The following ZNF777 variants were observed in gnomAD, a reference collection of about 807,000 sequenced individuals.
The protein encoded by ZNF777 is zinc finger protein 777.
A neutral mutation model predicts 72.1 loss-of-function variants in ZNF777; 7 were observed. That is an observed-to-expected ratio of 0.10 (90% confidence interval 0.06 to 0.18). The LOEUF (loss-of-function observed/expected upper bound fraction) is 0.18, where lower values mean the gene tolerates loss of function less well. Among genes scored for constraint, ZNF777 ranks in the 10% least tolerant of loss-of-function variants. ZNF777 has a pLI of 1.00. For synonymous variants in ZNF777, 545 were observed against 483.5 expected, an observed-to-expected ratio of 1.13 and a Z score of -1.67; for missense variants, 828 against 1,128.6, an observed-to-expected ratio of 0.73 and a Z score of 3.82.
intron 1 of ZNF777, among the ~76,000 whole-genome samples, chr7:149,457,899 A>G (rs1241484293): frequency 6.6e-6 from 1 of 152,212 alleles, no homozygotes; most frequent in Non-Finnish European, 1.5e-5. Flanking sequence ...GGAGAGACTA[A>G]GCAACTTGCC....
intron 3 of ZNF777, among the ~76,000 whole-genome samples, chr7:149,452,500 G>A (rs1270598891): frequency 6.6e-6 from 1 of 151,158 alleles, no homozygotes; most frequent in Admixed American, 6.6e-5. Flanking sequence ...AGGAGCAGTG[G>A]AAGGTGCCTG....
rs375051872 is a variant in ZNF777 at position 149,436,742 on chromosome 7, C to T, written c.1172G>A (p.Gly391Glu). The stretch of plus-strand genomic sequence containing the variant: ...CTGGAAGCCGTGCTCTTCCACCTGT[C>T]CCATCAGGGGCTCAGGTGTCTCCAA... ...ESLETPEPLM[G>E]QVEEHGFQDS... Residue 391 changes from glycine to glutamate, a missense_variant, in exon 5 of 6, where the codon GGA becomes GAA. Coordinates refer to ENST00000247930, the MANE Select transcript of ZNF777 (RefSeq NM_015694.3). This position sits in a 1 kb window ranked among gnomAD's most constrained non-coding sequence, Gnocchi z 5.0. 3.5e-5 allele frequency: 57 copies of T among 1,614,076 alleles called. No homozygotes were observed. The highest frequency in any genetic ancestry group is 4.7e-5 in the Non-Finnish European group (56 of 1,180,052).
chr7:149,446,276 C>A (rs771932059), intron 4 of ZNF777, among the ~76,000 whole-genome samples: 3 of 151,876 alleles, frequency 2.0e-5, no homozygotes, highest in African/African-American at 7.3e-5. Flanking sequence ...CTGGGGAGGC[C>A]GAGGCGGGAA....
chr7:149,457,480 G>A (rs1247232090), intron 1 of ZNF777, among the ~76,000 whole-genome samples: 2 of 152,212 alleles, frequency 1.3e-5, no homozygotes, highest in Admixed American at 6.5e-5. Context: ...CGGCTGAAGA[G>A]TAAATTGTTG....
intron 5 of ZNF777, among the ~76,000 whole-genome samples, chr7:149,435,117 T>C (rs1490040930): frequency 1.3e-5 from 2 of 152,224 alleles, no homozygotes; most frequent in Non-Finnish European, 2.9e-5. Flanking sequence ...GCATGGTATG[T>C]CAAAAACACT....
chr7:149,448,956 G>C (rs889099185), intron 4 of ZNF777, among the ~76,000 whole-genome samples: 3 of 152,096 alleles, frequency 2.0e-5, no homozygotes, highest in African/African-American at 4.8e-5. Context: ...TGTCATGTTT[G>C]GTATATTTGG....
intron 1 of ZNF777, chr7:149,459,748 G>C (rs919448785): frequency 5.6e-4 from 550 of 984,974 alleles, no homozygotes; most frequent in Non-Finnish European, 6.5e-4. Flanking sequence ...CCGCGTCAGC[G>C]CCGCGCCCGG....
chr7:149,446,260 C>A lies in ZNF777; in HGVS notation c.1087+4739G>T, dbSNP rs141553000. Among the ~76,000 whole-genome samples, 588 of 152,136 alleles carry A rather than the reference C, an allele frequency of 3.9e-3. 3 individuals carry two copies. The highest frequency in any genetic ancestry group is 4.9e-3 in the Non-Finnish European group (336 of 67,988). The stretch of plus-strand genomic sequence containing the variant: ...GTGTGGTGGCACATGCCTGAAATCC[C>A]AGCTACTGGGGAGGCCGAGGCGGGA... On this transcript the variant is annotated intron_variant, in intron 4 of 5. Transcript: ENST00000247930.
chr7:149,454,875 T>C (rs1207064621), intron 2 of ZNF777, among the ~76,000 whole-genome samples: 2 of 152,208 alleles, frequency 1.3e-5, no homozygotes, highest in Admixed American at 6.5e-5. Context: ...CCTCAGTGAC[T>C]GATGGTAAAG....
In ZNF777 at chr7:149,456,008, G is replaced by C; in HGVS notation, c.15C>G (p.Arg5=). ...CACTGGGGAACGACAGAGGTGATGA[G>C]CGTTGGTTCTCCATGTCCAGCTGCT... MENQ[R]SSPLSFPSVP... The change falls in exon 2 of 6, where the codon CGC becomes CGG. Residue 5 remains arginine, a synonymous_variant. Coordinates refer to ENST00000247930, the MANE Select transcript of ZNF777 (RefSeq NM_015694.3). 1 of 1,582,272 alleles carries C rather than the reference G, an allele frequency of 6.3e-7. No homozygotes were observed. The highest frequency in any genetic ancestry group is 8.6e-7 in the Non-Finnish European group (1 of 1,162,792).
rs561998328 is a variant in ZNF777, at chr7:149,432,348, C to A, written c.1924G>T (p.Asp642Tyr). The A allele has an allele frequency of 6.2e-7, 1 of 1,611,078 alleles. No individual in the cohort carries two copies. The highest frequency in any genetic ancestry group is 1.1e-5 in the South Asian group (1 of 91,082). ...CTGGACTTGTGGCTGAAGCTGCTGT[C>A]GCACTCGGGGCACTTGTAGGGCTTA... ...GPKPYKCPEC[D>Y]SSFSHKSSLT... The change falls in exon 6 of 6, where the codon GAC becomes TAC. Residue 642 changes from aspartate (D) to tyrosine (Y), a missense_variant. By Grantham distance (160) the Asp-to-Tyr change is radical. Around this residue, in one of 12 missense-constraint regions of ZNF777, gnomAD observed 100 missense variants for 106.2 expected, o/e 0.94. Coordinates refer to ENST00000247930, the MANE Select transcript of ZNF777 (RefSeq NM_015694.3).
At chr7:149,448,667 G>C (rs1799660757) in intron 4 of ZNF777, among the ~76,000 whole-genome samples, 1 of 148,558 alleles carries the variant, frequency 6.7e-6, no homozygotes, top group Non-Finnish European at 1.5e-5. Context: ...TTTCTCGAGA[G>C]ACTGAAATGA....
chr7:149,436,826 G>C lies in ZNF777; in HGVS notation c.1088C>G (p.Ala363Gly). Residue 363 changes from alanine (A) to glycine (G), a missense_variant and splice_region_variant, in exon 5 of 6, where the codon GCG (alanine) becomes GGG (glycine). Coordinates refer to ENST00000247930, the MANE Select transcript of ZNF777 (RefSeq NM_015694.3). The surrounding 1 kb of genome is among the most constrained non-coding windows in gnomAD (Gnocchi z 5.0). ...EGETPTDPSA[A>G]HDGIVIKIEV... is the part of the protein sequence containing the mutation. ...GATCTTAATCACGATCCCATCGTGC[G>C]CTGAGAGAGGGTGGGCAGGGGTGAG... 1 of 1,604,140 alleles carries C rather than the reference G, an allele frequency of 6.2e-7. No homozygotes were observed. Among genetic ancestry groups the C allele is most frequent in the Non-Finnish European group, 8.5e-7 (1 of 1,171,520 alleles).
At chr7:149,440,329 T>C (rs1799487595) in intron 4 of ZNF777, among the ~76,000 whole-genome samples, 1 of 152,136 alleles carries the variant, frequency 6.6e-6, no homozygotes, top group African/African-American at 2.4e-5. Context: ...AAATGCTTTA[T>C]AGTAAGATGG....
At position 149,432,791 on chromosome 7, in the gene ZNF777, T is replaced by G. The variant is rs776012974; in HGVS notation, c.1481A>C (p.Glu494Ala). The G allele has an allele frequency of 4.4e-6, 7 of 1,608,502 alleles. No homozygotes were observed. In the Admixed American group the frequency reaches 1.2e-4, roughly 27 times the overall value. ...GCTCTCCTCGCCCTCGGGGGACATC[T>G]CCCCGGGCAGCGGGGTCTGGTACAT... The part of the protein sequence containing the change: ...ASMYQTPLPG[E>A]MSPEGEESPP... The change falls in exon 6 of 6, where the codon GAG becomes GCG. Residue 494 changes from glutamate (E) to alanine (A), a missense_variant. Physicochemically the swap from Glu to Ala is moderately radical, Grantham distance 107. Around this residue, in one of 12 missense-constraint regions of ZNF777, gnomAD observed 219 missense variants for 223.0 expected, o/e 0.98. Coordinates refer to ENST00000247930, the MANE Select transcript of ZNF777 (RefSeq NM_015694.3).
At chr7:149,449,560 T>G (rs947558442) in intron 4 of ZNF777, among the ~76,000 whole-genome samples, 12 of 152,176 alleles carry the variant, frequency 7.9e-5, no homozygotes, top group Non-Finnish European at 1.8e-4. Flanking sequence ...ATTTTAGGAT[T>G]TTAACCACAA....
chr7:149,440,369 G>GT (rs781121302), intron 4 of ZNF777, among the ~76,000 whole-genome samples: 6 of 151,998 alleles, frequency 3.9e-5, no homozygotes, highest in Non-Finnish European at 8.8e-5. Flanking sequence ...GTTTTGTTTT[G>GT]TTTTTTAAGA....
intron 4 of ZNF777, among the ~76,000 whole-genome samples, chr7:149,438,593 T>C (rs947293530): frequency 5.9e-5 from 9 of 152,004 alleles, no homozygotes; most frequent in African/African-American, 2.2e-4. Flanking sequence ...TTACATAAGG[T>C]GGTAGACACA....
At chr7:149,456,189 G>T (rs1024686534) in intron 1 of ZNF777, among the ~76,000 whole-genome samples, 152 bp from the exon 2 acceptor site, 3 of 152,150 alleles carry the variant, frequency 2.0e-5, no homozygotes, top group African/African-American at 7.2e-5. Context: ...AGAGACCACA[G>T]CACCAATTTA....
Sources: allele counts gnomAD v4.1 joint callset (sites outside exome capture counted in the v4.1 genomes callset), GRCh38; gene constraint gnomAD v4.1.1; regional missense constraint gnomAD v4.1.1; non-coding constraint Gnocchi (gnomAD v3.1); transcripts MANE v1.5; gene names NCBI Gene and HGNC (gene_info 2026-07-23, HGNC 2026-07-21).